The following TENT4A variants were observed in gnomAD, a reference collection of about 807,000 sequenced individuals.
The protein encoded by TENT4A is DNA polymerase kappa.
A neutral mutation model predicts 72.8 loss-of-function variants in TENT4A; 7 were observed. The ratio of observed to expected loss-of-function variants is 0.10; its 90% confidence interval spans 0.05 to 0.18. The LOEUF (loss-of-function observed/expected upper bound fraction) is 0.18, where lower values mean the gene tolerates loss of function less well. TENT4A is among the 10% of genes least tolerant of loss of function. The pLI, the probability that TENT4A is intolerant of heterozygous loss-of-function variation, is 1.00. For missense variants in TENT4A, 831 were observed against 1,017.7 expected, an observed-to-expected ratio of 0.82 and a Z score of 2.50; for synonymous variants, 456 against 434.3, an observed-to-expected ratio of 1.05 and a Z score of -0.62.
chr5:6,743,672 G>A, intron 5 of TENT4A, 40 bp from the exon 6 acceptor site: 1 of 1,484,414 alleles, frequency 6.7e-7, no homozygotes, highest in East Asian at 2.3e-5. Context: ...TTGAAAGTAT[G>A]GTAATTACTC....
rs1740254918 is a variant in TENT4A at position 6,714,435 on chromosome 5, A to G, written c.452A>G (p.Asn151Ser). 4.3e-6 allele frequency: 5 copies of G among 1,165,832 alleles called. No homozygotes were observed. The highest frequency in any genetic ancestry group is 3.3e-5 in the African/African-American group (2 of 61,018). 72.2% of individuals were successfully genotyped at this position (1,165,832 alleles called of 1,614,324 possible). Residue 151 changes from asparagine (N) to serine (S), a missense_variant, in exon 1 of 13, where the codon AAC (asparagine) becomes AGC (serine). By Grantham distance (46) the Asn-to-Ser change is conservative (BLOSUM62 1). Coordinates refer to ENST00000230859, the MANE Select transcript of TENT4A (RefSeq NM_006999.6). Reference sequence around the variant, plus strand: ...GGCGGCCGCGGCGGCGCCTTCTTCAACTTCGCCGACGGCGCGCCCAGCGCC... The same window carrying G: ...GGCGGCCGCGGCGGCGCCTTCTTCAGCTTCGCCGACGGCGCGCCCAGCGCC... Reference protein sequence around the residue: ...PGGGRGGAFFNFADGAPSAPG... With the variant: ...PGGGRGGAFFSFADGAPSAPG...
intron 1 of TENT4A, among the ~76,000 whole-genome samples, chr5:6,732,791 A>G (rs1169344574): frequency 6.6e-6 from 1 of 152,182 alleles, no homozygotes; most frequent in Non-Finnish European, 1.5e-5. Context: ...TAGGAAATGA[A>G]TCATTAAGAG....
chr5:6,738,675 T>C lies in TENT4A; in HGVS notation c.841-8T>C. On this transcript the variant is annotated splice_region_variant and splice_polypyrimidine_tract_variant and intron_variant, in intron 2 of 12. Coordinates refer to ENST00000230859, the MANE Select transcript of TENT4A (RefSeq NM_006999.6). ...TATACATTTTAAGGCAACCACTCTT[T>C]CTTTCAGGTACAGATATTTGGCAGC... is the stretch of plus-strand genomic sequence containing the variant. The C allele has an allele frequency of 6.2e-7, 1 of 1,610,606 alleles. No homozygotes were observed. The highest frequency in any genetic ancestry group is 8.5e-7 in the Non-Finnish European group (1 of 1,176,726).
chr5:6,728,200 C>T (rs1033193265), intron 1 of TENT4A, among the ~76,000 whole-genome samples: 13 of 152,110 alleles, frequency 8.5e-5, no homozygotes, highest in Non-Finnish European at 1.3e-4. Flanking sequence ...AATGGGGTGA[C>T]GGCGGTTTCA....
Position 6,746,439 on chromosome 5 carries a change from C to G in TENT4A, c.1459+12C>G, listed in dbSNP as rs1742100103. The stretch of plus-strand genomic sequence containing the variant: ...CCCCCTGCTGCCAGGTAAGGGCGCC[C>G]TGATCTCCACTGCTGAGAGCTGGGC... On this transcript the variant is annotated intron_variant, in intron 7 of 12. Coordinates refer to ENST00000230859, the MANE Select transcript of TENT4A (RefSeq NM_006999.6). The G allele has an allele frequency of 6.2e-7, 1 of 1,613,042 alleles. No individual in the cohort carries two copies. The highest frequency in any genetic ancestry group is 1.3e-5 in the African/African-American group (1 of 74,892).
At chr5:6,729,703 G>A (rs1741110281) in intron 1 of TENT4A, among the ~76,000 whole-genome samples, 1 of 152,218 alleles carries the variant, frequency 6.6e-6, no homozygotes, top group African/African-American at 2.4e-5. Flanking sequence ...AGAGTCTGTG[G>A]GCCCTTGATT....
In TENT4A at chr5:6,754,961, T is replaced by C. The variant is rs1742613378; in HGVS notation, c.*16T>C. 6.4e-7 allele frequency: 1 copy of C among 1,560,014 alleles called. No homozygotes were observed. Among genetic ancestry groups the C allele is most frequent in the East Asian group, 2.3e-5 (1 of 43,350 alleles). On this transcript the variant is annotated 3_prime_UTR_variant, in exon 13 of 13. Coordinates refer to ENST00000230859, the MANE Select transcript of TENT4A (RefSeq NM_006999.6). ...CAGCAGATAATGGCTCCTGGCTGCG[T>C]CAGCCTCCCCCACCCCTCTGCAGAC...
At chr5:6,715,592 A>G (rs934985947) in intron 1 of TENT4A, among the ~76,000 whole-genome samples, 2 of 152,202 alleles carry the variant, frequency 1.3e-5, no homozygotes, top group Non-Finnish European at 2.9e-5. Context: ...TTTCCCCCCA[A>G]TTTAAAAAAC....
At chr5:6,753,650 G>A (rs1281887563) in intron 12 of TENT4A, among the ~76,000 whole-genome samples, 7 of 152,234 alleles carry the variant, frequency 4.6e-5, no homozygotes, top group Non-Finnish European at 1.5e-5. Flanking sequence ...GTCAGCCCCC[G>A]TCGTGTGTGA....
chr5:6,722,568 T>TA (rs1740712823), intron 1 of TENT4A, among the ~76,000 whole-genome samples: 1 of 150,646 alleles, frequency 6.6e-6, no homozygotes, highest in African/African-American at 2.4e-5. Flanking sequence ...TTTTTTTTTT[T>TA]AACTGTTCTG....
chr5:6,727,862 G>A (rs113192569), intron 1 of TENT4A, among the ~76,000 whole-genome samples: 7 of 152,160 alleles, frequency 4.6e-5, no homozygotes, highest in Non-Finnish European at 1.5e-5. Flanking sequence ...TATCAGCCAG[G>A]GTATGCTGTG....
chr5:6,734,746 C>T (rs771272005), intron 1 of TENT4A, among the ~76,000 whole-genome samples: 32 of 152,244 alleles, frequency 2.1e-4, no homozygotes, highest in Non-Finnish European at 4.4e-4. Flanking sequence ...GGACAGTGTT[C>T]CCCTGAGCAC....
At chr5:6,724,999 C>G (rs144526056) in intron 1 of TENT4A, among the ~76,000 whole-genome samples, 1 of 152,150 alleles carries the variant, frequency 6.6e-6, no homozygotes, top group African/African-American at 2.4e-5. Context: ...TAGAGCAAAG[C>G]GAGAATTGTC....
chr5:6,714,893 A>G (rs754996277), intron 1 of TENT4A, 194 bp downstream of exon 1: 5 of 282,234 alleles, frequency 1.8e-5, no homozygotes, highest in African/African-American at 2.2e-5. Context: ...ACTTGCCCAG[A>G]TCCTACAAGT....
At chr5:6,732,253 C>G (rs892416695) in intron 1 of TENT4A, among the ~76,000 whole-genome samples, 5 of 152,226 alleles carry the variant, frequency 3.3e-5, no homozygotes, top group Admixed American at 1.3e-4. Flanking sequence ...AGCCAGTCCT[C>G]CCTGGCTTTG....
intron 4 of TENT4A, 31 bp downstream of exon 4, chr5:6,739,883 G>T: frequency 6.2e-7 from 1 of 1,605,002 alleles, no homozygotes; most frequent in Non-Finnish European, 8.5e-7. Context: ...CCTCTGACCG[G>T]GCAGGAGCCT....
At chr5:6,723,816 C>T (rs530934160) in intron 1 of TENT4A, among the ~76,000 whole-genome samples, 55 of 152,300 alleles carry the variant, frequency 3.6e-4, no homozygotes, top group African/African-American at 1.0e-3. Context: ...GCCAGTCCTG[C>T]GCAGTAGTAC....
chr5:6,730,095 G>C (rs891021735), intron 1 of TENT4A, among the ~76,000 whole-genome samples: 16 of 150,990 alleles, frequency 1.1e-4, no homozygotes, highest in African/African-American at 3.7e-4. Context: ...TTGTTTCTCC[G>C]CCCCCCCCCG....
chr5:6,746,434 G>C lies in TENT4A; in HGVS notation c.1459+7G>C, dbSNP rs930631915. 1.2e-6 allele frequency: 2 copies of C among 1,613,820 alleles called. No homozygotes were observed. The highest frequency in any genetic ancestry group is 2.7e-5 in the African/African-American group (2 of 75,042). On this transcript the variant is annotated splice_region_variant and intron_variant, in intron 7 of 12. Coordinates refer to ENST00000230859, the MANE Select transcript of TENT4A (RefSeq NM_006999.6). ...GAGGACCCCCTGCTGCCAGGTAAGG[G>C]CGCCCTGATCTCCACTGCTGAGAGC...
Sources: gnomAD v4.1 joint callset for allele counts (sites outside exome capture counted in the v4.1 genomes callset) on GRCh38, gnomAD v4.1.1 for gene constraint, MANE v1.5 for transcripts, NCBI Gene and HGNC (gene_info 2026-07-23, HGNC 2026-07-21) for gene names.